SIPA1L1: variants seen among roughly 807,000 people sequenced by gnomAD.
SIPA1L1 encodes signal induced proliferation associated 1 like 1.
Under a neutral mutation model 162.7 loss-of-function variants are expected in SIPA1L1, and 26 were observed. The observed-to-expected ratio is 0.16, with a 90% confidence interval of 0.12 to 0.22. SIPA1L1 has a LOEUF of 0.22. Among genes scored for constraint, SIPA1L1 ranks in the 10% least tolerant of loss-of-function variants. The probability of loss-of-function intolerance (pLI) is 1.00; values close to 1 mark genes in which losing one functional copy is unlikely to be tolerated. For synonymous variants in SIPA1L1, 829 were observed against 837.4 expected (o/e 0.99, Z 0.17); for missense variants, 1,874 against 2,241.0 (o/e 0.84, Z 3.31).
intron 2 of SIPA1L1, among the ~76,000 whole-genome samples, chr14:71,510,831 G>A (rs2051088069): frequency 6.6e-6 from 1 of 152,146 alleles, no homozygotes; most frequent in South Asian, 2.1e-4. Flanking sequence ...GCTTAAAATG[G>A]TTGAGTGAAT....
chr14:71,619,449 AG>A (rs2039185751), intron 6 of SIPA1L1, among the ~76,000 whole-genome samples: 1 of 152,150 alleles, frequency 6.6e-6, no homozygotes, highest in South Asian at 2.1e-4. Context: ...AGAGCTCTTT[AG>A]GAATCTAAAT....
intron 2 of SIPA1L1, among the ~76,000 whole-genome samples, chr14:71,428,288 T>A (rs911622065): frequency 6.6e-6 from 1 of 151,960 alleles, no homozygotes; most frequent in African/African-American, 2.4e-5. Flanking sequence ...TGAGCAACCA[T>A]GCCTGGCTGA....
intron 2 of SIPA1L1, among the ~76,000 whole-genome samples, chr14:71,354,281 CT>C (rs553737399): frequency 0.016 from 2,233 of 137,640 alleles, 18 homozygotes; most frequent in Middle Eastern, 0.03. Flanking sequence ...TCATTTGTTT[CT>C]TTTTTTTTTT....
At chr14:71,508,000 C>G (rs145742319) in intron 2 of SIPA1L1, among the ~76,000 whole-genome samples, 3 of 152,218 alleles carry the variant, frequency 2.0e-5, no homozygotes, top group East Asian at 3.9e-4. Flanking sequence ...GCAAGTGGGA[C>G]GATAGAGGGT....
intron 2 of SIPA1L1, among the ~76,000 whole-genome samples, chr14:71,459,982 G>A (rs1452813870): frequency 6.6e-6 from 1 of 152,048 alleles, no homozygotes; most frequent in Non-Finnish European, 1.5e-5. Flanking sequence ...TGTACAACTG[G>A]AAATGTACCA....
At chr14:71,662,366 A>G (rs775458527) in intron 10 of SIPA1L1, among the ~76,000 whole-genome samples, 2 of 152,236 alleles carry the variant, frequency 1.3e-5, no homozygotes, top group Non-Finnish European at 2.9e-5. Context: ...ATCCTTGCAC[A>G]TATCCTAATA....
At chr14:71,719,185 C>T (rs982055556) in intron 17 of SIPA1L1, among the ~76,000 whole-genome samples, 15 of 151,924 alleles carry the variant, frequency 9.9e-5, no homozygotes, top group Non-Finnish European at 1.6e-4. Context: ...GTAATCTGCC[C>T]GTCTCAGCCT....
intron 22 of SIPA1L1, among the ~76,000 whole-genome samples, chr14:71,737,382 T>G (rs2085396978): frequency 6.6e-6 from 1 of 152,216 alleles, no homozygotes; most frequent in Admixed American, 6.5e-5. Context: ...TGGAAGACTT[T>G]GGGTTCTCTG....
intron 5 of SIPA1L1, among the ~76,000 whole-genome samples, chr14:71,598,628 T>A (rs1476978147): frequency 1.3e-5 from 2 of 152,116 alleles, no homozygotes. Context: ...TAAAAAGACA[T>A]AACAACAAAA....
chr14:71,325,863 G>A (rs1341310958), intron 2 of SIPA1L1, among the ~76,000 whole-genome samples: 1 of 152,126 alleles, frequency 6.6e-6, no homozygotes, highest in African/African-American at 2.4e-5. Flanking sequence ...TTGAAATTGC[G>A]GGAAGCAGGC....
chr14:71,520,951 G>A (rs1595884023), intron 3 of SIPA1L1, among the ~76,000 whole-genome samples: 1 of 151,872 alleles, frequency 6.6e-6, no homozygotes, highest in Admixed American at 6.6e-5. Flanking sequence ...ATGGGGTTTC[G>A]CCATGTTGGC....
intron 2 of SIPA1L1, among the ~76,000 whole-genome samples, chr14:71,464,446 G>T (rs1351539975): frequency 1.3e-5 from 2 of 152,150 alleles, no homozygotes; most frequent in Non-Finnish European, 2.9e-5. Context: ...TTCGAGACCA[G>T]CCTGACCAAC....
rs375553868 is a variant in SIPA1L1, at chr14:71,521,912, ACTGTT to A, written c.-361-7399_-361-7395del. ...AATGGGGTCAGTCATCTTTCATCTG[ACTGTT>A]AACCCTTTATTTGGTTGTCATCTTT... is the stretch of plus-strand genomic sequence containing the variant. On this transcript the variant is annotated intron_variant, in intron 3 of 23. Coordinates refer to ENST00000381232, the MANE Select transcript of SIPA1L1 (RefSeq NM_001386936.1). 4.4e-4 allele frequency among the ~76,000 whole-genome samples: 67 copies of A among 152,246 alleles called. No homozygotes were observed. In the South Asian group the frequency reaches 0.014, roughly 31 times the overall value.
In SIPA1L1 at chr14:71,589,246, A is replaced by G; in HGVS notation, c.1374A>G (p.Ala458=). The change falls in exon 5 of 24, where the codon GCA becomes GCG. Residue 458 remains alanine, a synonymous_variant. Transcript: ENST00000381232. ...CCCTTAGTTCCCATTGCACAAATGC[A>G]GGAGTGGCAGTACTTGAAGTGCCCA... ...ESTLSSHCTN[A]GVAVLEVPKE... The G allele has an allele frequency of 6.2e-7, 1 of 1,614,118 alleles. No individual in the cohort carries two copies. The highest frequency in any genetic ancestry group is 8.5e-7 in the Non-Finnish European group (1 of 1,179,964).
At chr14:71,689,250 G>A (rs1284847694) in intron 13 of SIPA1L1, among the ~76,000 whole-genome samples, 4 of 152,144 alleles carry the variant, frequency 2.6e-5, no homozygotes, top group African/African-American at 9.7e-5. Context: ...AACTGACACA[G>A]TAAGAATTGA....
chr14:71,524,346 G>A (rs1040052895), intron 3 of SIPA1L1, among the ~76,000 whole-genome samples: 1 of 152,120 alleles, frequency 6.6e-6, no homozygotes, highest in Non-Finnish European at 1.5e-5. Flanking sequence ...TATTCCTAAT[G>A]CAGTTTAGTT....
At chr14:71,615,889 T>C (rs2038782206) in intron 5 of SIPA1L1, among the ~76,000 whole-genome samples, 1 of 152,070 alleles carries the variant, frequency 6.6e-6, no homozygotes. Context: ...CCAGCTACTC[T>C]GAAGGCTGAG....
chr14:71,332,597 G>A (rs962352432), intron 2 of SIPA1L1, among the ~76,000 whole-genome samples: 21 of 152,196 alleles, frequency 1.4e-4, no homozygotes, highest in Non-Finnish European at 2.8e-4. Flanking sequence ...TTTTCCTGAG[G>A]ACCCAGATAG....
intron 7 of SIPA1L1, among the ~76,000 whole-genome samples, chr14:71,624,623 C>T (rs2039787849): frequency 6.6e-6 from 1 of 151,924 alleles, no homozygotes; most frequent in Non-Finnish European, 1.5e-5. Flanking sequence ...TTTCTAAGTG[C>T]CTTAAATATG....
Sources: allele counts gnomAD v4.1 joint callset (sites outside exome capture counted in the v4.1 genomes callset), GRCh38; gene constraint gnomAD v4.1.1; transcripts MANE v1.5; gene names NCBI Gene and HGNC (gene_info 2026-07-23, HGNC 2026-07-21).